Variants in AGBL4 observed in about 807,000 individuals in gnomAD.
AGBL4 encodes the protein cytosolic carboxypeptidase 6.
A neutral mutation model predicts 66.4 loss-of-function variants in AGBL4; 58 were observed. The observed-to-expected ratio is 0.87, with a 90% CI of 0.71 to 1.09. AGBL4 has a LOEUF of 1.09. Among genes scored for constraint, AGBL4 ranks in the 50% least tolerant of loss-of-function variants. The pLI is 0.00. For missense variants in AGBL4, 579 were observed against 631.0 expected, an observed-to-expected ratio of 0.92 and a Z score of 0.88; for synonymous variants, 234 against 222.9, an observed-to-expected ratio of 1.05 and a Z score of -0.44.
chr1:49,001,704 A>G (rs188083777), intron 5 of AGBL4, among the ~76,000 whole-genome samples: 2 of 152,250 alleles, frequency 1.3e-5, no homozygotes, highest in Non-Finnish European at 2.9e-5. Context: ...CAGTCTCCTC[A>G]TTTGTCTTCC....
In AGBL4 at chr1:49,641,331, A is replaced by G. The variant is rs1343160; in HGVS notation, c.282+55982T>C. Among the ~76,000 whole-genome samples the G allele has an allele frequency of 8.0e-3, 1,220 of 152,186 alleles. 9 individuals carry two copies. Among genetic ancestry groups the G allele is most frequent in the Middle Eastern group, 0.031 (9 of 294 alleles). On this transcript the variant is annotated intron_variant, in intron 3 of 13. Transcript: ENST00000371839. The stretch of plus-strand genomic sequence containing the variant: ...CTACAGACCACTGTAATAGCCTTGG[A>G]TCACCATGTATCAATATAGCTAAAT...
chr1:49,371,557 C>A (rs1483788810), intron 3 of AGBL4, among the ~76,000 whole-genome samples: 2 of 152,128 alleles, frequency 1.3e-5, no homozygotes, highest in Non-Finnish European at 2.9e-5. Flanking sequence ...AGCAGAATTA[C>A]ATATACCTCC....
chr1:49,842,901 A>C (rs1364266851), intron 2 of AGBL4, among the ~76,000 whole-genome samples: 1 of 152,160 alleles, frequency 6.6e-6, no homozygotes, highest in African/African-American at 2.4e-5. Flanking sequence ...CGCATAGTAA[A>C]AGCACTCTGA....
intron 6 of AGBL4, among the ~76,000 whole-genome samples, chr1:48,828,982 C>G (rs879656981): frequency 3.3e-5 from 5 of 152,076 alleles, no homozygotes; most frequent in Non-Finnish European, 7.4e-5. Context: ...ATGATGCCTT[C>G]CAAAATAAAG....
At chr1:49,550,320 C>A (rs1652853700) in intron 3 of AGBL4, among the ~76,000 whole-genome samples, 1 of 152,128 alleles carries the variant, frequency 6.6e-6, no homozygotes, top group Non-Finnish European at 1.5e-5. Context: ...ATTCATAGTG[C>A]TATTTGTTGC....
chr1:48,532,779 G>A (rs1643913439), downstream of AGBL4: 1 of 152,080 alleles, frequency 6.6e-6, no homozygotes, highest in South Asian at 2.1e-4. Flanking sequence ...TCAGTTTTGG[G>A]GTTTGCCTGT....
intron 4 of AGBL4, among the ~76,000 whole-genome samples, chr1:49,151,472 T>C (rs939085426): frequency 6.6e-6 from 1 of 151,394 alleles, no homozygotes; most frequent in African/African-American, 2.4e-5. Context: ...TCTCAAACCT[T>C]ATTATGATGT....
intron 4 of AGBL4, among the ~76,000 whole-genome samples, chr1:49,243,645 C>T (rs538498649): frequency 6.6e-6 from 1 of 151,726 alleles, no homozygotes; most frequent in Non-Finnish European, 1.5e-5. Flanking sequence ...CATCCTGTAT[C>T]CCAATATCTA....
chr1:49,019,003 G>A (rs535782569), intron 5 of AGBL4, among the ~76,000 whole-genome samples: 3 of 152,184 alleles, frequency 2.0e-5, no homozygotes, highest in Admixed American at 6.5e-5. Flanking sequence ...TGGCTTCTCC[G>A]TGTCCCTGGG....
At chr1:49,419,089 G>A (rs546446520) in intron 3 of AGBL4, among the ~76,000 whole-genome samples, 1 of 152,242 alleles carries the variant, frequency 6.6e-6, no homozygotes, top group Admixed American at 6.5e-5. Flanking sequence ...ATAGATCTTT[G>A]TAACTGACCA....
intron 4 of AGBL4, among the ~76,000 whole-genome samples, chr1:49,174,483 G>C (rs1569937764): frequency 6.6e-6 from 1 of 152,068 alleles, no homozygotes; most frequent in Non-Finnish European, 1.5e-5. Context: ...ATAATTTCAT[G>C]TTTAATATGC....
At chr1:49,697,570 T>A in intron 2 of AGBL4, 133 bp from the exon 3 acceptor site, 1 of 739,030 alleles carries the variant, frequency 1.4e-6, no homozygotes, top group Non-Finnish European at 2.0e-6. Context: ...GTGTTCACAA[T>A]CCAAAGGGCT....
chr1:49,593,640 A>C (rs146434694), intron 3 of AGBL4, among the ~76,000 whole-genome samples: 216 of 152,314 alleles, frequency 1.4e-3, no homozygotes, highest in Admixed American at 5.4e-3. Flanking sequence ...ATATGAACCC[A>C]GCGCTACTTA....
intron 3 of AGBL4, among the ~76,000 whole-genome samples, chr1:49,517,288 T>C (rs991067279): frequency 2.0e-5 from 3 of 151,458 alleles, no homozygotes; most frequent in Admixed American, 6.6e-5. Flanking sequence ...GAAATTTATA[T>C]GAATTCTAAA....
intron 3 of AGBL4, among the ~76,000 whole-genome samples, chr1:49,596,525 C>T (rs1473921490): frequency 6.6e-6 from 1 of 152,068 alleles, no homozygotes; most frequent in Non-Finnish European, 1.5e-5. Flanking sequence ...TTCATGACCT[C>T]CAAGAATCTC....
intron 6 of AGBL4, among the ~76,000 whole-genome samples, chr1:48,733,817 T>C (rs1354906960): frequency 1.3e-5 from 2 of 152,244 alleles, no homozygotes; most frequent in African/African-American, 4.8e-5. Context: ...TCTGTGTTTC[T>C]TCTGTTCAAC....
chr1:49,579,908 A>T (rs1453500114), intron 3 of AGBL4, among the ~76,000 whole-genome samples: 1 of 152,178 alleles, frequency 6.6e-6, no homozygotes, highest in African/African-American at 2.4e-5. Flanking sequence ...TGAGTGGGGT[A>T]TTGAAGTCCC....
At chr1:48,725,898 C>T (rs954460887) in intron 6 of AGBL4, among the ~76,000 whole-genome samples, 3 of 152,200 alleles carry the variant, frequency 2.0e-5, no homozygotes, top group African/African-American at 7.2e-5. Context: ...GCATCTACTT[C>T]TGATTTCATT....
chr1:49,395,514 T>G (rs17098916), intron 3 of AGBL4, among the ~76,000 whole-genome samples: 3,203 of 150,244 alleles, frequency 0.021, 127 homozygotes, highest in African/African-American at 0.075. Flanking sequence ...GAAATAATGT[T>G]AAAATTTTGC....
Sources: allele counts gnomAD v4.1 joint callset (sites outside exome capture counted in the v4.1 genomes callset), GRCh38; gene constraint gnomAD v4.1.1; transcripts MANE v1.5; gene names NCBI Gene and HGNC (gene_info 2026-07-23, HGNC 2026-07-21).